BRMS1: variants seen among roughly 807,000 people sequenced by gnomAD.
The protein encoded by BRMS1 is BRMS1 transcriptional repressor and anoikis regulator, also known as breast cancer metastasis-suppressor 1.
Under a neutral mutation model 40.4 loss-of-function variants are expected in BRMS1, and 26 were observed. The observed-to-expected ratio is 0.64, with a 90% CI of 0.47 to 0.89. The LOEUF is 0.89. Ranked by LOEUF, BRMS1 falls within the 40% of genes least tolerant of loss-of-function variation. The probability of loss-of-function intolerance (pLI) is 0.00; values close to 1 mark genes in which losing one functional copy is unlikely to be tolerated. For missense variants in BRMS1, 289 were observed against 309.4 expected, an observed-to-expected ratio of 0.93 and a Z score of 0.49; for synonymous variants, 103 against 116.0, an observed-to-expected ratio of 0.89 and a Z score of 0.72.
chr11:66,339,869 T>C, intron 7 of BRMS1: 1 of 418,386 alleles, frequency 2.4e-6, no homozygotes, highest in South Asian at 4.3e-5. Flanking sequence ...CCCAAAGTGC[T>C]GGGACTGTAG....
Position 66,341,947 on chromosome 11 carries a change from C to A in BRMS1, c.139+149G>T. 1 of 814,246 alleles carries A rather than the reference C, an allele frequency of 1.2e-6. No individual in the cohort carries two copies. Among genetic ancestry groups the A allele is most frequent in the Non-Finnish European group, 1.9e-6 (1 of 532,456 alleles). 50.4% of individuals were successfully genotyped at this position (814,246 alleles called of 1,614,324 possible). On this transcript the variant is annotated intron_variant, in intron 2 of 9. Coordinates refer to ENST00000359957, the MANE Select transcript of BRMS1 (RefSeq NM_015399.4). The surrounding 1 kb of genome is among the most constrained non-coding windows in gnomAD (Gnocchi z 4.9). ...TGTAGGGGCTGTGTGTGCGTGTGTG[C>A]GCTTGTGTGCAGGGTCTGTGTATGT...
chr11:66,342,380 A>G (rs1855108967), intron 1 of BRMS1, 139 bp from the exon 2 acceptor site: 1 of 1,092,256 alleles, frequency 9.2e-7, no homozygotes, highest in South Asian at 1.5e-5. Context: ...TTGAGCACAA[A>G]CTGGGTGACA....
intron 7 of BRMS1, among the ~76,000 whole-genome samples, chr11:66,339,588 C>T (rs1033879561): frequency 6.6e-6 from 1 of 152,176 alleles, no homozygotes; most frequent in African/African-American, 2.4e-5. Flanking sequence ...AGCTGGGGAC[C>T]CGCTCGGACA....
At chr11:66,344,362 T>G (rs910730793) in intron 1 of BRMS1, among the ~76,000 whole-genome samples, 2 of 152,224 alleles carry the variant, frequency 1.3e-5, no homozygotes, top group Non-Finnish European at 2.9e-5. Flanking sequence ...TTAGTCATAT[T>G]CCTCAACAAT....
chr11:66,342,308 A>G (rs1784037), intron 1 of BRMS1, 67 bp from the exon 2 acceptor site: 1,563,793 of 1,583,580 alleles, frequency 0.99, 774,066 homozygotes, highest in East Asian at 1. Context: ...AGGCAGCAGG[A>G]TGCTGAACAC....
chr11:66,342,362 G>A (rs1286418232), intron 1 of BRMS1, 121 bp from the exon 2 acceptor site: 4 of 1,291,980 alleles, frequency 3.1e-6, no homozygotes, highest in Non-Finnish European at 3.2e-6. Flanking sequence ...AACTGGCCTG[G>A]CCACACCTTG....
At chr11:66,338,922 C>T (rs2033899764) in intron 7 of BRMS1, 137 bp from the exon 8 acceptor site, 4 of 816,316 alleles carry the variant, frequency 4.9e-6, no homozygotes, top group Middle Eastern at 3.6e-4. Flanking sequence ...TCAGGTTCCA[C>T]CTCCTACCTC....
chr11:66,338,461 C>T, intron 8 of BRMS1, 179 bp from the exon 9 acceptor site: 1 of 1,511,082 alleles, frequency 6.6e-7, no homozygotes, highest in Non-Finnish European at 8.8e-7. Flanking sequence ...AGCTCAGCGG[C>T]TCTCCCGCCT....
At position 66,341,012 on chromosome 11, in the gene BRMS1, C is replaced by G. The variant is rs550479193; in HGVS notation, c.393G>C (p.Arg131Ser). The G allele has an allele frequency of 2.5e-6, 4 of 1,613,998 alleles. No homozygotes were observed. The highest frequency in any genetic ancestry group is 2.2e-5 in the South Asian group (2 of 91,090). Residue 131 changes from arginine (R) to serine (S), a missense_variant, in exon 5 of 10, where the codon AGG (arginine) becomes AGC (serine). Arg to Ser is a moderately radical substitution (Grantham distance 110). Transcript: ENST00000359957. This position sits in a 1 kb window ranked among gnomAD's most constrained non-coding sequence, Gnocchi z 4.9. ...CCTGCAGCTCACATTCGTACTTATT[C>G]CTGATCACATCCAGACAGAAGCCCT... ...IYKGFCLDVI[R>S]NKYECELQGA...
rs1565204150 is a variant in BRMS1, at chr11:66,337,707, CAG to C, written c.*173_*174del. ...ACAGCTGTGCAGGCCTCGAGGAGGG[CAG>C]AGGAGGAGTCCAGGCCAGTGCCAGA... On this transcript the variant is annotated 3_prime_UTR_variant, in exon 10 of 10. Coordinates refer to ENST00000359957, the MANE Select transcript of BRMS1 (RefSeq NM_015399.4). 8.1e-6 allele frequency: 13 copies of C among 1,604,562 alleles called. No individual in the cohort carries two copies. Among genetic ancestry groups the C allele is most frequent in the Non-Finnish European group, 1.1e-5 (13 of 1,176,058 alleles).
chr11:66,340,653 C>G (rs1855043921), intron 6 of BRMS1, 121 bp downstream of exon 6: 1 of 819,800 alleles, frequency 1.2e-6, no homozygotes, highest in African/African-American at 1.7e-5. Context: ...AGCCCTCACA[C>G]TGACCCCAAC....
Position 66,341,205 on chromosome 11 carries a change from C to T in BRMS1, c.358+1G>A, listed in dbSNP as rs374489370. On this transcript the variant is annotated splice_donor_variant, in intron 4 of 9. Transcript: ENST00000359957. LOFTEE classifies it high-confidence loss of function. This position sits in a 1 kb window ranked among gnomAD's most constrained non-coding sequence, Gnocchi z 4.9. Reference sequence around the variant, plus strand: ...AAGAGGGTACAGAACCACCCACAGACCTGCCACCTGAATGCGAATCTTGAG... The same window carrying T: ...AAGAGGGTACAGAACCACCCACAGATCTGCCACCTGAATGCGAATCTTGAG... 6.2e-7 allele frequency: 1 copy of T among 1,611,852 alleles called. No homozygotes were observed. Among genetic ancestry groups the T allele is most frequent in the Non-Finnish European group, 8.5e-7 (1 of 1,178,208 alleles).
chr11:66,340,716 G>C, intron 6 of BRMS1, 58 bp downstream of exon 6: 1 of 1,425,370 alleles, frequency 7.0e-7, no homozygotes, highest in Non-Finnish European at 9.6e-7. Context: ...AGCCCAAAGA[G>C]GGGTGGGCGT....
At chr11:66,337,951 C>A (rs1414643928) in intron 9 of BRMS1, 62 bp from the exon 10 acceptor site, 1 of 1,551,996 alleles carries the variant, frequency 6.4e-7, no homozygotes, top group African/African-American at 1.4e-5. Flanking sequence ...AAGGAGGCAG[C>A]CACTTACTGA....
In BRMS1 at chr11:66,341,684, G is replaced by T; in HGVS notation, c.140-61C>A. 1.4e-6 allele frequency: 2 copies of T among 1,388,992 alleles called. No individual in the cohort carries two copies. Among genetic ancestry groups the T allele is most frequent in the Non-Finnish European group, 1.0e-6 (1 of 977,368 alleles). 86.0% of individuals were successfully genotyped at this position (1,388,992 alleles called of 1,614,324 possible). On this transcript the variant is annotated intron_variant, in intron 2 of 9. Transcript: ENST00000359957. This position sits in a 1 kb window ranked among gnomAD's most constrained non-coding sequence, Gnocchi z 4.9. ...AGGAGTGGTGGGTACCCGCATGTGT[G>T]CATGTGCGTCCTGCATGTGTGTGTG... is the stretch of plus-strand genomic sequence containing the variant.
At chr11:66,338,339 T>A in intron 8 of BRMS1, 57 bp from the exon 9 acceptor site, 1 of 1,565,066 alleles carries the variant, frequency 6.4e-7, no homozygotes, top group Non-Finnish European at 8.7e-7. Flanking sequence ...TGGCAATCCC[T>A]GCCCCACCCC....
intron 8 of BRMS1, chr11:66,338,520 G>A (rs1342260226): frequency 2.6e-6 from 4 of 1,536,618 alleles, no homozygotes; most frequent in African/African-American, 1.4e-5. Context: ...ACGGGAAGGG[G>A]CTGACACAGA....
At chr11:66,340,726 TGGACTGAGCGG>T in intron 6 of BRMS1, 37 bp downstream of exon 6, 1 of 1,506,398 alleles carries the variant, frequency 6.6e-7, no homozygotes, top group Non-Finnish European at 9.1e-7. Flanking sequence ...GGGGTGGGCG[TGGACTGAGCGG>T]GGCCCAGTTC....
At chr11:66,338,309 C>G in intron 8 of BRMS1, 27 bp from the exon 9 acceptor site, 1 of 1,598,090 alleles carries the variant, frequency 6.3e-7, no homozygotes, top group Non-Finnish European at 8.5e-7. Flanking sequence ...AAAAGCTCCC[C>G]TGAGAGCCCA....
Sources: gnomAD v4.1 joint callset for allele counts (sites outside exome capture counted in the v4.1 genomes callset) on GRCh38, gnomAD v4.1.1 for gene constraint, Gnocchi (gnomAD v3.1) non-coding constraint, MANE v1.5 for transcripts, NCBI Gene and HGNC (gene_info 2026-07-23, HGNC 2026-07-21) for gene names.